The following OPCML variants were observed in gnomAD, a reference collection of about 807,000 sequenced individuals.
OPCML encodes the protein opioid binding protein/cell adhesion molecule like.
OPCML carries 13 observed loss-of-function variants against 37.8 expected under a neutral mutation model. That is an observed-to-expected ratio of 0.34 (90% CI 0.22 to 0.55). The LOEUF is 0.55. Among genes scored for constraint, OPCML ranks in the 20% least tolerant of loss-of-function variants. The pLI, the probability that OPCML is intolerant of heterozygous loss-of-function variation, is 0.91. For synonymous variants in OPCML, 176 were observed against 168.8 expected, an observed-to-expected ratio of 1.04 and a Z score of -0.33; for missense variants, 341 against 435.6, an observed-to-expected ratio of 0.78 and a Z score of 1.93.
At chr11:132,681,948 C>A (rs1942963789) in intron 2 of OPCML, among the ~76,000 whole-genome samples, 1 of 150,634 alleles carries the variant, frequency 6.6e-6, no homozygotes, top group South Asian at 2.1e-4. Context: ...GAGAGAGATT[C>A]CGTCTCAAAA....
intron 4 of OPCML, among the ~76,000 whole-genome samples, chr11:132,503,732 T>A (rs980991539): frequency 1.1e-4 from 16 of 152,168 alleles, no homozygotes; most frequent in African/African-American, 3.9e-4. Context: ...ATGCTAGTTA[T>A]AATTATTAAT....
At chr11:133,274,081 G>T (rs11223425) in intron 1 of OPCML, among the ~76,000 whole-genome samples, 5 of 151,832 alleles carry the variant, frequency 3.3e-5, no homozygotes, top group African/African-American at 1.2e-4. Flanking sequence ...GCACTAAGGC[G>T]AGTACACACC....
chr11:133,394,584 C>A (rs546303406), intron 1 of OPCML, among the ~76,000 whole-genome samples: 2 of 152,192 alleles, frequency 1.3e-5, no homozygotes, highest in Non-Finnish European at 2.9e-5. Context: ...GCTATAGTAA[C>A]CATCCTTCTG....
chr11:132,990,110 A>G (rs886636461), intron 1 of OPCML, among the ~76,000 whole-genome samples: 1 of 152,186 alleles, frequency 6.6e-6, no homozygotes, highest in African/African-American at 2.4e-5. Context: ...TCAGACAGCA[A>G]TCCATAGCAG....
intron 3 of OPCML, among the ~76,000 whole-genome samples, chr11:132,608,636 A>G (rs1048012164): frequency 1.3e-5 from 2 of 152,186 alleles, no homozygotes; most frequent in African/African-American, 2.4e-5. Context: ...CTCTTTGCAA[A>G]TATGACCTGT....
At chr11:133,113,335 T>C (rs1592013443) in intron 1 of OPCML, among the ~76,000 whole-genome samples, 1 of 152,290 alleles carries the variant, frequency 6.6e-6, no homozygotes, top group East Asian at 1.9e-4. Context: ...AAGACTCTTT[T>C]CAATCAATCA....
intron 1 of OPCML, among the ~76,000 whole-genome samples, chr11:133,142,694 T>C (rs1157104866): frequency 1.3e-5 from 2 of 152,064 alleles, no homozygotes; most frequent in Non-Finnish European, 2.9e-5. Flanking sequence ...ACTGACACAC[T>C]GAATGGTTGA....
chr11:133,504,577 A>T (rs1947987006), intron 1 of OPCML, among the ~76,000 whole-genome samples: 2 of 152,144 alleles, frequency 1.3e-5, no homozygotes, highest in Non-Finnish European at 2.9e-5. Context: ...AATTGTGCCA[A>T]CCGCACCTAC....
intron 1 of OPCML, among the ~76,000 whole-genome samples, chr11:133,116,645 C>T (rs1390164693): frequency 6.6e-6 from 1 of 152,070 alleles, no homozygotes; most frequent in Non-Finnish European, 1.5e-5. Flanking sequence ...CAGAGTATCT[C>T]ATTAGGAGGC....
At chr11:133,262,543 C>T (rs1352295267) in intron 1 of OPCML, among the ~76,000 whole-genome samples, 1 of 152,162 alleles carries the variant, frequency 6.6e-6, no homozygotes, top group Non-Finnish European at 1.5e-5. Flanking sequence ...GGTGAGTTGT[C>T]ATTACACCTA....
intron 1 of OPCML, among the ~76,000 whole-genome samples, chr11:133,137,222 A>G (rs1033450824): frequency 2.0e-5 from 3 of 152,170 alleles, no homozygotes; most frequent in Admixed American, 2.0e-4. Flanking sequence ...AATGATTTCA[A>G]GTGAACAACT....
At chr11:133,291,125 G>A (rs977229603) in intron 1 of OPCML, among the ~76,000 whole-genome samples, 1 of 152,218 alleles carries the variant, frequency 6.6e-6, no homozygotes. Context: ...AATGCCCAAG[G>A]CTGTGTCATA....
At chr11:133,428,570 A>C (rs1413442276) in intron 1 of OPCML, among the ~76,000 whole-genome samples, 2 of 152,250 alleles carry the variant, frequency 1.3e-5, no homozygotes, top group African/African-American at 2.4e-5. Flanking sequence ...AAATAGCAAC[A>C]ATAGAACAAA....
chr11:132,621,365 A>C (rs940685365), intron 3 of OPCML, among the ~76,000 whole-genome samples: 4 of 152,238 alleles, frequency 2.6e-5, no homozygotes, highest in Non-Finnish European at 4.4e-5. Context: ...GTTCAGAGCA[A>C]TTTTATTCAA....
chr11:132,487,268 A>C (rs1354290669), intron 4 of OPCML, among the ~76,000 whole-genome samples: 1 of 152,222 alleles, frequency 6.6e-6, no homozygotes, highest in Admixed American at 6.5e-5. Flanking sequence ...AAATGTGCCC[A>C]TGACGGGCAA....
intron 1 of OPCML, among the ~76,000 whole-genome samples, chr11:133,375,428 G>A (rs568398447): frequency 6.6e-6 from 1 of 152,168 alleles, no homozygotes; most frequent in Non-Finnish European, 1.5e-5. Flanking sequence ...CTATCCTCTG[G>A]CATGAGACAT....
At chr11:132,929,941 T>C (rs11223284) in intron 2 of OPCML, among the ~76,000 whole-genome samples, 61,952 of 152,016 alleles carry the variant, frequency 0.41, 13,041 homozygotes, top group African/African-American at 0.48. Context: ...ATTCCACTAC[T>C]AAAATGTACT....
chr11:132,864,996 G>A (rs367839008), intron 2 of OPCML, among the ~76,000 whole-genome samples: 6 of 152,366 alleles, frequency 3.9e-5, no homozygotes, highest in African/African-American at 1.2e-4. Flanking sequence ...CACAGAGGGC[G>A]ATAGAGCCGG....
At chr11:132,984,037 T>C (rs1946640729) in intron 1 of OPCML, among the ~76,000 whole-genome samples, 1 of 152,222 alleles carries the variant, frequency 6.6e-6, no homozygotes, top group African/African-American at 2.4e-5. Flanking sequence ...CTACCTCTAC[T>C]ACTAGAACTA....
Sources: allele counts gnomAD v4.1 joint callset (sites outside exome capture counted in the v4.1 genomes callset), GRCh38; gene constraint gnomAD v4.1.1; transcripts MANE v1.5; gene names NCBI Gene and HGNC (gene_info 2026-07-23, HGNC 2026-07-21).